ZHX2: variants seen among roughly 807,000 people sequenced by gnomAD.
The protein encoded by ZHX2 is zinc fingers and homeoboxes 2.
Under a neutral mutation model 21.9 loss-of-function variants are expected in ZHX2, and 6 were observed. The observed-to-expected ratio is 0.27, with a 90% CI of 0.15 to 0.54. The LOEUF (loss-of-function observed/expected upper bound fraction) is 0.54. ZHX2 is among the 20% of genes least tolerant of loss of function. ZHX2 has a pLI of 0.95. For missense variants in ZHX2, 908 were observed against 1,090.7 expected, an observed-to-expected ratio of 0.83 and a Z score of 2.36; for synonymous variants, 434 against 437.1, an observed-to-expected ratio of 0.99 and a Z score of 0.09.
intron 1 of ZHX2, among the ~76,000 whole-genome samples, chr8:122,783,095 TG>T (rs888636304): frequency 1.3e-5 from 2 of 152,034 alleles, no homozygotes; most frequent in African/African-American, 2.4e-5. Flanking sequence ...TTTGTCAGGC[TG>T]GGGAGAAAAC....
chr8:122,836,889 C>T (rs1255242904), intron 1 of ZHX2, among the ~76,000 whole-genome samples: 3 of 152,162 alleles, frequency 2.0e-5, no homozygotes, highest in Non-Finnish European at 2.9e-5. Flanking sequence ...CATTTCCAGA[C>T]AATTAGGGCA....
intron 1 of ZHX2, among the ~76,000 whole-genome samples, chr8:122,806,457 A>T (rs1245348236): frequency 6.6e-6 from 1 of 152,204 alleles, no homozygotes; most frequent in Non-Finnish European, 1.5e-5. Flanking sequence ...CATTACAGAA[A>T]ACTCATGAAC....
intron 1 of ZHX2, among the ~76,000 whole-genome samples, chr8:122,818,206 A>G (rs1818071968): frequency 6.6e-6 from 1 of 151,994 alleles, no homozygotes; most frequent in African/African-American, 2.4e-5. Flanking sequence ...ATCCAGATTT[A>G]CAGTCGGACT....
intron 1 of ZHX2, among the ~76,000 whole-genome samples, chr8:122,822,982 C>T (rs926641768): frequency 6.6e-6 from 1 of 152,230 alleles, no homozygotes; most frequent in Non-Finnish European, 1.5e-5. Flanking sequence ...CTCCTCTAGA[C>T]AGGAAAGGAC....
chr8:122,875,135 A>T (rs1299346439), intron 2 of ZHX2, among the ~76,000 whole-genome samples: 94 of 1,750 alleles, frequency 0.054, 11 homozygotes, highest in African/African-American at 0.12. Context: ...TCTGTTATAT[A>T]TATATATATA....
At chr8:122,806,663 T>A (rs899437172) in intron 1 of ZHX2, among the ~76,000 whole-genome samples, 39 of 152,016 alleles carry the variant, frequency 2.6e-4, no homozygotes, top group African/African-American at 9.4e-4. Flanking sequence ...GGCCTTAAGG[T>A]CAAGACGAAG....
chr8:122,947,242 G>GCAA (rs956061602), intron 2 of ZHX2, among the ~76,000 whole-genome samples: 72 of 151,478 alleles, frequency 4.8e-4, no homozygotes, highest in African/African-American at 1.7e-3. Flanking sequence ...TCCAGCCTGG[G>GCAA]CAACAGAGCA....
intron 3 of ZHX2, among the ~76,000 whole-genome samples, chr8:122,968,841 G>GA (rs11323549): frequency 1.8e-4 from 25 of 141,898 alleles, no homozygotes; most frequent in Non-Finnish European, 2.1e-4. Context: ...CTCCATCTTG[G>GA]AAAAAAAAAA....
rs750142621 is a variant in ZHX2 at position 122,952,538 on chromosome 8, C to T, written c.1028C>T (p.Pro343Leu). Reference sequence around the variant, plus strand: ...AACGGCACCATCCAGTCAGTACCCCCGACCATCACTGTGCTGCCCGCCCAG... The same window carrying T: ...AACGGCACCATCCAGTCAGTACCCCTGACCATCACTGTGCTGCCCGCCCAG... ...MFNGTIQSVP[P>L]TITVLPAQLA... Residue 343 changes from proline (P) to leucine (L), a missense_variant, in exon 3 of 4, where the codon CCG (proline) becomes CTG (leucine). Pro to Leu is a moderately conservative substitution (Grantham distance 98). This residue lies in a region of ZHX2 where 232 missense variants were observed against 361.8 expected (regional missense o/e 0.64). Transcript: ENST00000314393. The surrounding 1 kb of genome is among the most constrained non-coding windows in gnomAD (Gnocchi z 6.9). The T allele has an allele frequency of 6.2e-7, 1 of 1,614,178 alleles. No individual in the cohort carries two copies.
chr8:122,897,938 C>A (rs928873585), intron 2 of ZHX2, among the ~76,000 whole-genome samples: 4 of 152,170 alleles, frequency 2.6e-5, no homozygotes, highest in Non-Finnish European at 5.9e-5. Context: ...CAGTATTGTT[C>A]AACTGGGAAA....
intron 3 of ZHX2, among the ~76,000 whole-genome samples, chr8:122,969,861 C>T (rs954984506): frequency 6.6e-6 from 1 of 152,140 alleles, no homozygotes; most frequent in South Asian, 2.1e-4. Context: ...TAAAGAGAGA[C>T]AGAAACAGAA....
Position 122,953,000 on chromosome 8 carries a change from G to A in ZHX2, c.1490G>A (p.Gly497Asp). ...GACCACCGATATCGGTGTCAAAGGGGCATCGTCCACATCACCAGCGAATCC... is the reference window on the plus strand; with the variant it reads ...GACCACCGATATCGGTGTCAAAGGGACATCGTCCACATCACCAGCGAATCC... ...FSDHRYRCQR[G>D]IVHITSESLA... Residue 497 changes from glycine (G) to aspartate (D), a missense_variant, in exon 3 of 4, where the codon GGC becomes GAC. Transcript: ENST00000314393. This position sits in a 1 kb window ranked among gnomAD's most constrained non-coding sequence, Gnocchi z 6.9. 6.2e-7 allele frequency: 1 copy of A among 1,613,940 alleles called. No individual in the cohort carries two copies. Among genetic ancestry groups the A allele is most frequent in the Non-Finnish European group, 8.5e-7 (1 of 1,180,014 alleles).
At chr8:122,887,962 C>T (rs138711431) in intron 2 of ZHX2, among the ~76,000 whole-genome samples, 66 of 152,302 alleles carry the variant, frequency 4.3e-4, no homozygotes, top group African/African-American at 1.2e-3. Flanking sequence ...TCTGGCCAGT[C>T]GGAGAGCTGT....
intron 2 of ZHX2, among the ~76,000 whole-genome samples, chr8:122,927,188 A>T (rs777757520): frequency 3.9e-5 from 6 of 152,180 alleles, no homozygotes; most frequent in Non-Finnish European, 8.8e-5. Context: ...GTCTGTTCTC[A>T]TGCTGCTAAT....
At chr8:122,916,582 G>A (rs1447724267) in intron 2 of ZHX2, among the ~76,000 whole-genome samples, 2 of 152,002 alleles carry the variant, frequency 1.3e-5, no homozygotes, top group Non-Finnish European at 2.9e-5. Context: ...ATGTGTATGT[G>A]TACACACACA....
chr8:122,813,801 T>G lies in ZHX2; in HGVS notation c.-283+31855T>G, dbSNP rs914615432. Among the ~76,000 whole-genome samples the G allele has an allele frequency of 3.3e-5, 5 of 152,240 alleles. No individual in the cohort carries two copies. The South Asian group carries it at 1.0e-3, about 32-fold the overall frequency. ...CAAAAGTTTTGGATTTTAAAGCATT[T>G]TGAATGTCAGATTTTTTATTAGGGA... On this transcript the variant is annotated intron_variant, in intron 1 of 3. Coordinates refer to ENST00000314393, the MANE Select transcript of ZHX2 (RefSeq NM_014943.5).
At position 122,953,460 on chromosome 8, in the gene ZHX2, C is replaced by G; in HGVS notation, c.1950C>G (p.Thr650=). The G allele has an allele frequency of 1.2e-6, 2 of 1,614,184 alleles. No individual in the cohort carries two copies. The highest frequency in any genetic ancestry group is 2.2e-5 in the South Asian group (2 of 91,084). Reference sequence around the variant, plus strand: ...TCCTGAGGAGCACGTTTGCAAGAACCCAGTGGCCTACTCCCCAGGAGTACG... The same window carrying G: ...TCCTGAGGAGCACGTTTGCAAGAACGCAGTGGCCTACTCCCCAGGAGTACG... ...VHLLRSTFAR[T]QWPTPQEYDQ... is the part of the protein sequence containing the mutation. Residue 650 remains threonine, a synonymous_variant, in exon 3 of 4, where the codon ACC becomes ACG. Coordinates refer to ENST00000314393, the MANE Select transcript of ZHX2 (RefSeq NM_014943.5). The surrounding 1 kb of genome is among the most constrained non-coding windows in gnomAD (Gnocchi z 4.6).
Position 122,860,975 on chromosome 8 carries a change from G to A in ZHX2, c.-282-2502G>A, listed in dbSNP as rs192457216. Among the ~76,000 whole-genome samples the A allele has an allele frequency of 4.9e-4, 73 of 148,262 alleles. No homozygotes were observed. In the South Asian group the frequency reaches 0.011, roughly 22 times the overall value. On this transcript the variant is annotated intron_variant, in intron 1 of 3. Coordinates refer to ENST00000314393, the MANE Select transcript of ZHX2 (RefSeq NM_014943.5). Reference sequence around the variant, plus strand: ...TTGAACCCAGGAGGCGGAGGTTGCAGTGAGCCGAGATCATGCCACTGCATG... The same window carrying A: ...TTGAACCCAGGAGGCGGAGGTTGCAATGAGCCGAGATCATGCCACTGCATG...
chr8:122,869,883 CT>C (rs1000157520), intron 2 of ZHX2, among the ~76,000 whole-genome samples: 8 of 152,162 alleles, frequency 5.3e-5, no homozygotes, highest in Non-Finnish European at 7.3e-5. Flanking sequence ...CTAAATGAGT[CT>C]GTGGAAGGTG....
Sources: gnomAD v4.1 joint callset for allele counts (sites outside exome capture counted in the v4.1 genomes callset) on GRCh38, gnomAD v4.1.1 for gene constraint, gnomAD v4.1.1 regional missense constraint, Gnocchi (gnomAD v3.1) non-coding constraint, MANE v1.5 for transcripts, NCBI Gene and HGNC (gene_info 2026-07-23, HGNC 2026-07-21) for gene names.